TMEM266: variants seen among roughly 807,000 people sequenced by gnomAD.
TMEM266 encodes the protein Hv1 related protein 1.
A neutral mutation model predicts 50.5 loss-of-function variants in TMEM266; 33 were observed. The ratio of observed to expected loss-of-function variants is 0.65; its 90% confidence interval spans 0.50 to 0.87. The LOEUF is 0.87. Ranked by LOEUF, TMEM266 falls within the 40% of genes least tolerant of loss-of-function variation. The pLI is 0.00. For synonymous variants in TMEM266, 310 were observed against 292.3 expected (o/e 1.06, Z -0.62); for missense variants, 655 against 695.1 (o/e 0.94, Z 0.65).
At chr15:76,109,011 T>C (rs1399545851) in intron 1 of TMEM266, 2 of 152,138 alleles carry the variant, frequency 1.3e-5, no homozygotes, top group African/African-American at 4.8e-5. Flanking sequence ...CTCCTGTGTA[T>C]CTCCCTTTGG....
chr15:76,198,244 C>T (rs1048143073), intron 9 of TMEM266, among the ~76,000 whole-genome samples: 1 of 152,160 alleles, frequency 6.6e-6, no homozygotes, highest in Admixed American at 6.5e-5. Context: ...GCCGGGTTGG[C>T]CCTGGGTCTG....
At chr15:76,167,192 T>C (rs563796514) in intron 5 of TMEM266, among the ~76,000 whole-genome samples, 3 of 152,206 alleles carry the variant, frequency 2.0e-5, no homozygotes, top group South Asian at 2.1e-4. Flanking sequence ...ACCATATGGC[T>C]GGGCGCGGTG....
chr15:76,181,447 T>G (rs2038403176), intron 8 of TMEM266: 1 of 152,294 alleles, frequency 6.6e-6, no homozygotes, highest in African/African-American at 2.4e-5. Flanking sequence ...GCCCTGGCCA[T>G]GCCTTCTGCA....
chr15:76,174,378 C>T (rs1000526345), intron 7 of TMEM266, among the ~76,000 whole-genome samples: 25 of 151,954 alleles, frequency 1.6e-4, no homozygotes, highest in African/African-American at 5.6e-4. Flanking sequence ...TGGTGAAATC[C>T]CATCTCTACT....
At chr15:76,097,995 T>C (rs1270105937) in intron 1 of TMEM266, among the ~76,000 whole-genome samples, 2 of 152,034 alleles carry the variant, frequency 1.3e-5, no homozygotes, top group Non-Finnish European at 2.9e-5. Flanking sequence ...AGTTAGGAAT[T>C]CGTCTAACCT....
chr15:76,101,816 C>G (rs923474873), intron 1 of TMEM266, among the ~76,000 whole-genome samples: 1 of 152,234 alleles, frequency 6.6e-6, no homozygotes, highest in Non-Finnish European at 1.5e-5. Flanking sequence ...GGTCATTTCC[C>G]CACGCCTGGC....
intron 9 of TMEM266, among the ~76,000 whole-genome samples, chr15:76,198,641 A>G (rs548515154): frequency 2.0e-5 from 3 of 152,384 alleles, no homozygotes; most frequent in African/African-American, 7.2e-5. Context: ...TCTTCTGTCC[A>G]GTCCAGCCTA....
At position 76,175,384 on chromosome 15, in the gene TMEM266, G is replaced by T. The variant is rs942093333; in HGVS notation, c.653-175G>T. The T allele has an allele frequency of 8.5e-6, 5 of 586,204 alleles. No individual in the cohort carries two copies. The African/African-American group carries it at 9.4e-5, about 11-fold the overall frequency. The allele number at this position is 586,204 out of a possible 1,614,324, so 36.3% of individuals were successfully genotyped here. A position where few individuals can be genotyped will look rare whatever the true frequency, so the allele number is the denominator to read the frequency against. On this transcript the variant is annotated intron_variant, in intron 7 of 10. Transcript: ENST00000388942. ...GCTACCCTGGACACCATGAGCGAAG[G>T]CTGTGGCCCTCTGTACTTTCTGGAT...
intron 1 of TMEM266, among the ~76,000 whole-genome samples, chr15:76,104,541 C>T (rs1051307637): frequency 2.6e-5 from 4 of 151,642 alleles, no homozygotes; most frequent in African/African-American, 7.3e-5. Context: ...GTTGGGGGCC[C>T]GGCGCGGTGG....
At chr15:76,177,021 G>A (rs8028429) in intron 8 of TMEM266, among the ~76,000 whole-genome samples, 5,267 of 151,960 alleles carry the variant, frequency 0.035, 308 homozygotes, top group African/African-American at 0.12. Context: ...CTGAATCCCC[G>A]CCCCTTGCAA....
intron 1 of TMEM266, among the ~76,000 whole-genome samples, chr15:76,065,261 G>T (rs892534704): frequency 2.6e-5 from 4 of 152,122 alleles, no homozygotes; most frequent in Admixed American, 2.6e-4. Flanking sequence ...CAGTTTCTAT[G>T]CAAGGCTCTA....
At chr15:76,171,280 T>C in intron 7 of TMEM266, 149 bp downstream of exon 7, 1 of 1,147,998 alleles carries the variant, frequency 8.7e-7, no homozygotes, top group Non-Finnish European at 1.2e-6. Context: ...CAGCTGTCCC[T>C]GCTCACTCGC....
chr15:76,076,765 G>A (rs1174010756), intron 1 of TMEM266, among the ~76,000 whole-genome samples: 2 of 151,936 alleles, frequency 1.3e-5, no homozygotes. Context: ...GAACAGGTAG[G>A]GCAAAAGATA....
chr15:76,151,656 T>C (rs2037845075), intron 3 of TMEM266, among the ~76,000 whole-genome samples: 1 of 152,138 alleles, frequency 6.6e-6, no homozygotes, highest in Non-Finnish European at 1.5e-5. Context: ...CTTTGTCTCA[T>C]CTCTCCTACT....
intron 1 of TMEM266, among the ~76,000 whole-genome samples, chr15:76,071,724 C>T (rs189757454): frequency 3.3e-5 from 5 of 152,270 alleles, no homozygotes; most frequent in African/African-American, 1.2e-4. Context: ...ACCAGCCCCA[C>T]CCCAGACCCC....
intron 1 of TMEM266, among the ~76,000 whole-genome samples, chr15:76,132,848 T>C (rs1194443320): frequency 1.4e-5 from 2 of 140,698 alleles, no homozygotes; most frequent in Non-Finnish European, 3.0e-5. Flanking sequence ...ATTATTATTA[T>C]TACTGGCCAG....
At position 76,192,262 on chromosome 15, in the gene TMEM266, A is replaced by T. The variant is rs931454790; in HGVS notation, c.958+105A>T. On this transcript the variant is annotated intron_variant, in intron 9 of 10. Coordinates refer to ENST00000388942, the MANE Select transcript of TMEM266 (RefSeq NM_152335.3). ...GCGCAGAGTGGATGGGGTTCCTTTC[A>T]GGTGTGTGCCCCTCCTTCACTCGTG... 3 of 1,087,186 alleles carry T rather than the reference A, an allele frequency of 2.8e-6. No homozygotes were observed. The Admixed American group carries it at 1.2e-4, about 43-fold the overall frequency. The allele number at this position is 1,087,186 out of a possible 1,614,324, so 67.3% of individuals were successfully genotyped here.
At chr15:76,189,603 G>A (rs1466623222) in intron 8 of TMEM266, among the ~76,000 whole-genome samples, 2 of 152,150 alleles carry the variant, frequency 1.3e-5, no homozygotes, top group Admixed American at 6.5e-5. Context: ...GGAAGGGGGT[G>A]TAGTGTGAAG....
intron 1 of TMEM266, among the ~76,000 whole-genome samples, chr15:76,126,818 T>C (rs2037431045): frequency 6.6e-6 from 1 of 152,198 alleles, no homozygotes; most frequent in African/African-American, 2.4e-5. Flanking sequence ...CGTGAGCCAC[T>C]GTGCCCAGCC....
Sources: gnomAD v4.1 joint callset for allele counts (sites outside exome capture counted in the v4.1 genomes callset) on GRCh38, gnomAD v4.1.1 for gene constraint, MANE v1.5 for transcripts, NCBI Gene and HGNC (gene_info 2026-07-23, HGNC 2026-07-21) for gene names.